Variants in EXOC4 observed in about 807,000 individuals in gnomAD.
EXOC4 encodes the protein exocyst complex component 4.
EXOC4 carries 71 observed loss-of-function variants against 107.2 expected under a neutral mutation model. The ratio of observed to expected loss-of-function variants is 0.66; its 90% CI spans 0.55 to 0.81. The LOEUF is 0.81. Ranked by LOEUF, EXOC4 falls within the 30% of genes least tolerant of loss-of-function variation. EXOC4 has a pLI of 0.00. For synonymous variants in EXOC4, 456 were observed against 441.2 expected, an observed-to-expected ratio of 1.03 and a Z score of -0.42; for missense variants, 1,108 against 1,189.6, an observed-to-expected ratio of 0.93 and a Z score of 1.01.
At chr7:133,286,058 C>A (rs1226393598) in intron 2 of EXOC4, among the ~76,000 whole-genome samples, 1 of 152,124 alleles carries the variant, frequency 6.6e-6, no homozygotes, top group Non-Finnish European at 1.5e-5. Flanking sequence ...ACTGAGCAGG[C>A]AGTTTTTTAA....
At chr7:133,503,023 A>G (rs938424253) in intron 9 of EXOC4, among the ~76,000 whole-genome samples, 1 of 152,206 alleles carries the variant, frequency 6.6e-6, no homozygotes, top group Non-Finnish European at 1.5e-5. Flanking sequence ...AAATAGTGTA[A>G]GACTAGTACA....
chr7:134,064,300 C>T lies in EXOC4; in HGVS notation c.2697C>T (p.Tyr899=), dbSNP rs758418289. 1.1e-5 allele frequency: 16 copies of T among 1,458,990 alleles called. No individual in the cohort carries two copies. Among genetic ancestry groups the T allele is most frequent in the South Asian group, 3.0e-5 (2 of 67,076 alleles). The allele number at this position is 1,458,990 out of a possible 1,614,324, so 90.4% of individuals were successfully genotyped here. A position where few individuals can be genotyped will look rare whatever the true frequency, so the allele number is the denominator to read the frequency against. ...TCTCTTGCTTTCTCAGGCAGTACTA[C>T]GAGATGCTTTACAACACAGCTGACG... The part of the protein sequence containing the change: ...EADLDFARQY[Y]EMLYNTADEL... Residue 899 remains tyrosine (Y), a synonymous_variant, in exon 18 of 18, where the codon TAC becomes TAT. Transcript: ENST00000253861.
intron 11 of EXOC4, among the ~76,000 whole-genome samples, chr7:133,820,874 G>A (rs1252771632): frequency 6.6e-6 from 1 of 152,186 alleles, no homozygotes; most frequent in Non-Finnish European, 1.5e-5. Context: ...TTGTCCCTCT[G>A]AAGTGGCATC....
intron 12 of EXOC4, among the ~76,000 whole-genome samples, chr7:133,906,061 A>G (rs1799558787): frequency 6.6e-6 from 1 of 152,110 alleles, no homozygotes; most frequent in Non-Finnish European, 1.5e-5. Flanking sequence ...GGAAAGGAGA[A>G]ATTTCTTGTA....
intron 11 of EXOC4, among the ~76,000 whole-genome samples, chr7:133,849,223 C>T (rs1798194071): frequency 6.6e-6 from 1 of 152,110 alleles, no homozygotes. Context: ...GAGTTTGAGA[C>T]CAGCCTGGGC....
At chr7:134,098,664 C>T in the EXOC4 span, among the ~76,000 whole-genome samples, 1 of 152,230 alleles carries the variant, frequency 6.6e-6, no homozygotes, top group African/African-American at 2.4e-5. Context: ...ATCTTCAGAA[C>T]TCTACCTCTG....
chr7:133,632,296 G>C (rs1394262064), intron 10 of EXOC4, among the ~76,000 whole-genome samples: 1 of 152,118 alleles, frequency 6.6e-6, no homozygotes, highest in Admixed American at 6.5e-5. Flanking sequence ...TAACTTACTA[G>C]TGATTAAAAC....
intron 11 of EXOC4, among the ~76,000 whole-genome samples, chr7:133,889,451 T>C (rs1585225630): frequency 6.7e-6 from 1 of 150,318 alleles, no homozygotes; most frequent in Non-Finnish European, 1.5e-5. Context: ...CTTTAAGTTT[T>C]AGGGTACATG....
chr7:133,344,528 T>C (rs1795741187), intron 5 of EXOC4, among the ~76,000 whole-genome samples: 1 of 152,222 alleles, frequency 6.6e-6, no homozygotes, highest in African/African-American at 2.4e-5. Flanking sequence ...CTCTGAATTT[T>C]AGCTGTCTTG....
At chr7:134,055,400 A>C (rs972915173) in intron 17 of EXOC4, among the ~76,000 whole-genome samples, 39 of 152,314 alleles carry the variant, frequency 2.6e-4, no homozygotes, top group African/African-American at 8.9e-4. Context: ...GGCTAGGGGC[A>C]GAGTCAACGG....
At chr7:133,344,985 C>T (rs890742063) in intron 5 of EXOC4, among the ~76,000 whole-genome samples, 4 of 152,196 alleles carry the variant, frequency 2.6e-5, no homozygotes, top group Admixed American at 1.3e-4. Context: ...CAAGTGATCC[C>T]GAGGACATGG....
At chr7:133,365,381 A>AT (rs1796229513) in intron 6 of EXOC4, among the ~76,000 whole-genome samples, 1 of 152,176 alleles carries the variant, frequency 6.6e-6, no homozygotes, top group African/African-American at 2.4e-5. Context: ...TGATACTTTA[A>AT]TTCAAAGAAA....
chr7:133,357,141 T>A (rs185869873), intron 6 of EXOC4, among the ~76,000 whole-genome samples: 36 of 152,312 alleles, frequency 2.4e-4, no homozygotes, highest in Middle Eastern at 3.4e-3. Flanking sequence ...TTGTCGATAT[T>A]TAAACATTTA....
intron 10 of EXOC4, among the ~76,000 whole-genome samples, chr7:133,705,048 G>A (rs184066716): frequency 2.6e-5 from 4 of 152,208 alleles, no homozygotes; most frequent in East Asian, 1.9e-4. Context: ...CAGAAAAGCC[G>A]GGTAGATACT....
intron 10 of EXOC4, among the ~76,000 whole-genome samples, chr7:133,747,452 A>G (rs1391648915): frequency 6.6e-6 from 1 of 152,044 alleles, no homozygotes; most frequent in Non-Finnish European, 1.5e-5. Context: ...CTGTTATTTT[A>G]TTTTTCTTAC....
At chr7:133,599,803 A>G (rs577635222) in intron 9 of EXOC4, among the ~76,000 whole-genome samples, 63 of 152,164 alleles carry the variant, frequency 4.1e-4, no homozygotes, top group African/African-American at 1.4e-3. Context: ...ATAAAGTACA[A>G]ACTCATGTCC....
At chr7:133,419,449 T>C (rs990694416) in intron 7 of EXOC4, among the ~76,000 whole-genome samples, 3 of 152,154 alleles carry the variant, frequency 2.0e-5, no homozygotes, top group African/African-American at 4.8e-5. Flanking sequence ...AGTAAAGGAA[T>C]TGACCACCTG....
At chr7:133,422,103 C>T (rs1369718353) in intron 7 of EXOC4, among the ~76,000 whole-genome samples, 1 of 152,208 alleles carries the variant, frequency 6.6e-6, no homozygotes, top group East Asian at 1.9e-4. Context: ...GCCCTTTTGT[C>T]CCTGATTGAT....
intron 9 of EXOC4, among the ~76,000 whole-genome samples, chr7:133,628,720 G>C (rs1424217294): frequency 6.6e-6 from 1 of 152,212 alleles, no homozygotes. Context: ...CACACAGTGT[G>C]TGTGAGCTTG....
Sources: gnomAD v4.1 joint callset for allele counts (sites outside exome capture counted in the v4.1 genomes callset) on GRCh38, gnomAD v4.1.1 for gene constraint, MANE v1.5 for transcripts, NCBI Gene and HGNC (gene_info 2026-07-23, HGNC 2026-07-21) for gene names.